The following LRRTM4 variants were observed in gnomAD, a reference collection of about 807,000 sequenced individuals.
LRRTM4 encodes the protein leucine rich repeat transmembrane neuronal 4.
In LRRTM4, 25 loss-of-function variants were observed where a neutral mutation model predicts 47.6. The ratio of observed to expected loss-of-function variants is 0.53; its 90% confidence interval spans 0.38 to 0.73. LRRTM4 has a LOEUF of 0.73. Among genes scored for constraint, LRRTM4 ranks in the 30% least tolerant of loss-of-function variants. The pLI is 0.00. For missense variants in LRRTM4, 638 were observed against 713.4 expected, an observed-to-expected ratio of 0.89 and a Z score of 1.20; for synonymous variants, 311 against 269.5, an observed-to-expected ratio of 1.15 and a Z score of -1.51.
chr2:76,783,759 A>G lies in LRRTM4; in HGVS notation c.1552-34843T>C, dbSNP rs535629767. Among the ~76,000 whole-genome samples, 13 of 152,306 alleles carry G rather than the reference A, an allele frequency of 8.5e-5. 2 individuals carry two copies. The Middle Eastern group carries it at 0.02, about 239-fold the overall frequency. On this transcript the variant is annotated intron_variant, in intron 3 of 3. Transcript: ENST00000409884. ...TACAAACCTTTTGCTCCACTTGGAT[A>G]TTTCTTGCAAGTACTTTGCTTATCT...
At chr2:77,069,159 T>A (rs1680063143) in intron 3 of LRRTM4, among the ~76,000 whole-genome samples, 1 of 152,226 alleles carries the variant, frequency 6.6e-6, no homozygotes, top group African/African-American at 2.4e-5. Flanking sequence ...ATTTCCACTT[T>A]ACCCCTCTAT....
At chr2:77,392,265 C>T (rs1673532995) in intron 3 of LRRTM4, among the ~76,000 whole-genome samples, 1 of 151,970 alleles carries the variant, frequency 6.6e-6, no homozygotes, top group Admixed American at 6.6e-5. Flanking sequence ...TTTAAATACA[C>T]CTATGACCTG....
At chr2:77,077,538 T>C (rs1680378254) in intron 3 of LRRTM4, among the ~76,000 whole-genome samples, 2 of 152,152 alleles carry the variant, frequency 1.3e-5, no homozygotes, top group Admixed American at 1.3e-4. Context: ...TAGAGCATGG[T>C]GGAAAACCCA....
intron 3 of LRRTM4, among the ~76,000 whole-genome samples, chr2:76,834,012 T>TTTA (rs1342275964): frequency 1.2e-4 from 16 of 133,908 alleles, no homozygotes; most frequent in African/African-American, 2.7e-4. Context: ...TTGTTTTTCA[T>TTTA]TTATTTATTA....
chr2:76,911,417 C>T (rs1473426956), intron 3 of LRRTM4, among the ~76,000 whole-genome samples: 1 of 152,166 alleles, frequency 6.6e-6, no homozygotes, highest in Non-Finnish European at 1.5e-5. Context: ...AATGCTTCCC[C>T]AAAACAATTA....
At chr2:76,767,066 T>C (rs879393308) in intron 3 of LRRTM4, among the ~76,000 whole-genome samples, 2 of 152,098 alleles carry the variant, frequency 1.3e-5, no homozygotes, top group Non-Finnish European at 2.9e-5. Context: ...TTCCTGTTGT[T>C]TCTGTTTGAA....
chr2:77,451,289 T>C (rs944629168), intron 3 of LRRTM4, among the ~76,000 whole-genome samples: 1 of 152,230 alleles, frequency 6.6e-6, no homozygotes, highest in East Asian at 1.9e-4. Context: ...GCATGTTATA[T>C]ATTTTTTAAT....
intron 3 of LRRTM4, among the ~76,000 whole-genome samples, chr2:76,784,013 A>C (rs62172097): frequency 0.27 from 40,527 of 152,032 alleles, 6,220 homozygotes; most frequent in Non-Finnish European, 0.34. Flanking sequence ...TGAATTTTCT[A>C]TGTTTTATTG....
At chr2:76,754,401 A>G (rs1010579653) in intron 3 of LRRTM4, among the ~76,000 whole-genome samples, 7 of 152,170 alleles carry the variant, frequency 4.6e-5, no homozygotes, top group Non-Finnish European at 7.3e-5. Context: ...TAATTGGCTC[A>G]TAGAATACAA....
chr2:76,900,620 A>G (rs1381147747), intron 3 of LRRTM4, among the ~76,000 whole-genome samples: 1 of 152,206 alleles, frequency 6.6e-6, no homozygotes, highest in Non-Finnish European at 1.5e-5. Flanking sequence ...CAATTGAAAC[A>G]TGAAATGCAG....
At chr2:77,045,545 G>C (rs939465618) in intron 3 of LRRTM4, among the ~76,000 whole-genome samples, 1 of 151,904 alleles carries the variant, frequency 6.6e-6, no homozygotes, top group African/African-American at 2.4e-5. Flanking sequence ...GGACCCAGTG[G>C]GAGGTAATTG....
rs149289086 is a variant in LRRTM4 at position 77,439,843 on chromosome 2, A to G, written c.1551+78475T>C. On this transcript the variant is annotated intron_variant, in intron 3 of 3. Coordinates refer to ENST00000409884, the MANE Select transcript of LRRTM4 (RefSeq NM_001134745.3). Reference sequence around the variant, plus strand: ...AGAACAAAACTATGTAAACGGCAATATCATACTCTCATTTTACAGATGAAG... The same window carrying G: ...AGAACAAAACTATGTAAACGGCAATGTCATACTCTCATTTTACAGATGAAG... Among the ~76,000 whole-genome samples, 270 of 152,298 alleles carry G rather than the reference A, an allele frequency of 1.8e-3. 2 individuals carry two copies. The highest frequency in any genetic ancestry group is 3.0e-3 in the Non-Finnish European group (203 of 68,032).
chr2:77,459,248 T>C (rs1184555871), intron 3 of LRRTM4, among the ~76,000 whole-genome samples: 2 of 152,112 alleles, frequency 1.3e-5, no homozygotes, highest in Non-Finnish European at 2.9e-5. Flanking sequence ...TTTACTTAAC[T>C]TTTGTTATTG....
chr2:76,957,637 T>C (rs1248338137), intron 3 of LRRTM4, among the ~76,000 whole-genome samples: 2 of 151,744 alleles, frequency 1.3e-5, no homozygotes, highest in Non-Finnish European at 2.9e-5. Context: ...CATATTTGAC[T>C]GTCCTCTTAT....
intron 3 of LRRTM4, among the ~76,000 whole-genome samples, chr2:77,352,227 G>T (rs1297542486): frequency 1.3e-5 from 2 of 152,048 alleles, no homozygotes; most frequent in Non-Finnish European, 2.9e-5. Context: ...TATTTGTTTA[G>T]TTATTCTTAT....
intron 3 of LRRTM4, among the ~76,000 whole-genome samples, chr2:76,934,714 C>T (rs1434637482): frequency 2.0e-5 from 3 of 152,168 alleles, no homozygotes; most frequent in Non-Finnish European, 4.4e-5. Context: ...CAGCTCACCA[C>T]TACTCCCATT....
intron 3 of LRRTM4, among the ~76,000 whole-genome samples, chr2:77,466,161 T>G (rs1676974959): frequency 6.6e-6 from 1 of 151,960 alleles, no homozygotes; most frequent in African/African-American, 2.4e-5. Context: ...CTCGGCAGAG[T>G]TTCAATTCTG....
intron 3 of LRRTM4, among the ~76,000 whole-genome samples, chr2:77,398,450 G>A (rs1428330518): frequency 6.6e-6 from 1 of 151,564 alleles, no homozygotes; most frequent in Non-Finnish European, 1.5e-5. Flanking sequence ...TTTTTTTTCA[G>A]ATAAATATAT....
chr2:77,071,793 C>T (rs1573529795), intron 3 of LRRTM4, among the ~76,000 whole-genome samples: 1 of 152,132 alleles, frequency 6.6e-6, no homozygotes, highest in East Asian at 1.9e-4. Context: ...CAAGAATATA[C>T]AGTATCTGTT....
Sources: gnomAD v4.1 joint callset for allele counts (sites outside exome capture counted in the v4.1 genomes callset) on GRCh38, gnomAD v4.1.1 for gene constraint, MANE v1.5 for transcripts, NCBI Gene and HGNC (gene_info 2026-07-23, HGNC 2026-07-21) for gene names.